Variants in NAV3 observed in about 807,000 individuals in gnomAD.
NAV3 encodes the protein neuron navigator 3, also known as pore membrane and/or filament interacting like protein 1.
NAV3 carries 87 observed loss-of-function variants against 244.7 expected under a neutral mutation model. The ratio of observed to expected loss-of-function variants is 0.36; its 90% confidence interval spans 0.30 to 0.42. The LOEUF is 0.42. NAV3 is among the 20% of genes least tolerant of loss of function. The pLI, the probability that NAV3 is intolerant of heterozygous loss-of-function variation, is 1.00. For missense variants in NAV3, 2,663 were observed against 2,893.3 expected, an observed-to-expected ratio of 0.92 and a Z score of 1.83; for synonymous variants, 1,126 against 1,042.2, an observed-to-expected ratio of 1.08 and a Z score of -1.55.
intron 12 of NAV3, among the ~76,000 whole-genome samples, chr12:78,090,698 A>G (rs1057433740): frequency 6.6e-6 from 1 of 152,180 alleles, no homozygotes; most frequent in Non-Finnish European, 1.5e-5. Context: ...TTTCAGGAAC[A>G]AAAACTGTTA....
intron 9 of NAV3, among the ~76,000 whole-genome samples, chr12:78,044,913 C>A (rs1237368209): frequency 1.3e-5 from 2 of 152,102 alleles, no homozygotes; most frequent in Non-Finnish European, 2.9e-5. Context: ...TATCTAAATG[C>A]ACTTTATTTC....
chr12:77,645,572 C>G (rs991376612), intron 2 of NAV3, among the ~76,000 whole-genome samples: 3 of 140,378 alleles, frequency 2.1e-5, no homozygotes, highest in Admixed American at 7.0e-5. Context: ...TTTCAAATCT[C>G]TAATTTTCAG....
At chr12:78,026,505 A>C (rs12312072) in intron 9 of NAV3, among the ~76,000 whole-genome samples, 9,622 of 152,126 alleles carry the variant, frequency 0.063, 974 homozygotes, top group African/African-American at 0.22. Context: ...ATTATAGTAT[A>C]TTTTTGGCTC....
chr12:77,716,322 T>A (rs1237554879), intron 2 of NAV3, among the ~76,000 whole-genome samples: 1 of 151,846 alleles, frequency 6.6e-6, no homozygotes, highest in Non-Finnish European at 1.5e-5. Flanking sequence ...TTTGTTACAC[T>A]GCACTTGTGC....
intron 1 of NAV3, among the ~76,000 whole-genome samples, chr12:77,859,758 C>CAAAACAAAAA (rs1878960239): frequency 1.5e-5 from 1 of 68,722 alleles, no homozygotes; most frequent in Non-Finnish European, 2.7e-5. Flanking sequence ...CTTTCAAATG[C>CAAAACAAAAA]AAAAAAAAAA....
rs544742456 is a variant in NAV3 at position 77,708,957 on chromosome 12, G to T, written c.72+136691G>T. Among the ~76,000 whole-genome samples the T allele has an allele frequency of 1.4e-3, 206 of 152,076 alleles. 1 individual carries two copies. In the Middle Eastern group the frequency reaches 0.014, roughly 10 times the overall value. ...GTTGCTTATCAGCTTAAGGAGATTT[G>T]GGGCTGAGACGATGGGGTTTTCTAA... On this transcript the variant is annotated intron_variant, in intron 2 of 8. Transcript: ENST00000550042.
At chr12:78,040,837 T>C (rs995374058) in intron 9 of NAV3, among the ~76,000 whole-genome samples, 3 of 152,186 alleles carry the variant, frequency 2.0e-5, no homozygotes, top group Non-Finnish European at 4.4e-5. Context: ...TTAGGTTTAG[T>C]GCTTCTCCAA....
intron 2 of NAV3, among the ~76,000 whole-genome samples, chr12:77,763,548 A>G (rs1254116245): frequency 6.6e-6 from 1 of 152,288 alleles, no homozygotes; most frequent in African/African-American, 2.4e-5. Context: ...AATACGAGTA[A>G]TGCACCATTG....
chr12:78,014,603 A>C (rs1404840992), intron 8 of NAV3, among the ~76,000 whole-genome samples: 1 of 152,120 alleles, frequency 6.6e-6, no homozygotes. Flanking sequence ...AGATTTGCCT[A>C]GGATGTGACA....
At chr12:77,612,815 C>T (rs1352810005) in intron 2 of NAV3, among the ~76,000 whole-genome samples, 2 of 151,958 alleles carry the variant, frequency 1.3e-5, no homozygotes, top group African/African-American at 4.8e-5. Flanking sequence ...TACCATAATC[C>T]CCATGTGTTG....
At chr12:77,591,209 T>C (rs1159100290) in intron 2 of NAV3, among the ~76,000 whole-genome samples, 14 of 152,230 alleles carry the variant, frequency 9.2e-5, no homozygotes, top group Admixed American at 2.6e-4. Context: ...TCATTTTCCA[T>C]TTGAAACCTT....
At chr12:77,959,575 G>A (rs1207717700) in intron 3 of NAV3, among the ~76,000 whole-genome samples, 1 of 151,822 alleles carries the variant, frequency 6.6e-6, no homozygotes, top group African/African-American at 2.4e-5. Context: ...AAATTTAACT[G>A]ACTCTTCTAA....
At chr12:78,104,684 A>G (rs1012656265) in intron 12 of NAV3, among the ~76,000 whole-genome samples, 7 of 152,326 alleles carry the variant, frequency 4.6e-5, no homozygotes, top group African/African-American at 1.7e-4. Context: ...ATTACTTAAT[A>G]TCATGTAAAA....
At position 77,831,216 on chromosome 12, in the gene NAV3, AGAAAG is replaced by A; in HGVS notation, c.-245_-241del. 1.8e-5 allele frequency: 5 copies of A among 285,120 alleles called. No homozygotes were observed. The highest frequency in any genetic ancestry group is 2.7e-5 in the Non-Finnish European group (4 of 150,376). The allele number at this position is 285,120 out of a possible 1,614,324, so 17.7% of individuals were successfully genotyped here. ...GAGACAGAGAGAGAGAGAGAGAGAG[AGAAAG>A]AGAGAGAGAGAGAGAATGAGAATGA... On this transcript the variant is annotated 5_prime_UTR_variant, in exon 1 of 40. Coordinates refer to ENST00000397909, the MANE Select transcript of NAV3 (RefSeq NM_001024383.2).
intron 2 of NAV3, among the ~76,000 whole-genome samples, chr12:77,737,763 T>A (rs1405228990): frequency 6.6e-6 from 1 of 152,226 alleles, no homozygotes; most frequent in Admixed American, 6.5e-5. Context: ...ACAGTTGGTC[T>A]ACCTTCCACC....
Position 77,580,222 on chromosome 12 carries a change from ACACACACACAC to A in NAV3, c.72+7957_72+7967del, listed in dbSNP as rs1869294026. On this transcript the variant is annotated intron_variant, in intron 2 of 8. Transcript: ENST00000550042. ...CTTTATTTGGGGGTAGGGTGGGAAC[ACACACACACAC>A]ACACACACACACACACACACACACA... Among the ~76,000 whole-genome samples, 5 of 53,724 alleles carry A rather than the reference ACACACACACAC, an allele frequency of 9.3e-5. 1 individual carries two copies. In the South Asian group the frequency reaches 2.0e-3, roughly 22 times the overall value. 35.2% of individuals were successfully genotyped at this position (53,724 alleles called of 152,430 possible).
intron 12 of NAV3, among the ~76,000 whole-genome samples, chr12:78,086,502 G>A (rs1421601731): frequency 6.6e-6 from 1 of 152,038 alleles, no homozygotes; most frequent in Non-Finnish European, 1.5e-5. Context: ...TGGCTACACA[G>A]TACACATACT....
intron 20 of NAV3, among the ~76,000 whole-genome samples, chr12:78,142,220 C>G (rs1044129041): frequency 6.6e-6 from 1 of 151,912 alleles, no homozygotes; most frequent in Non-Finnish European, 1.5e-5. Context: ...CACATGCACC[C>G]CATAAATACA....
intron 38 of NAV3, among the ~76,000 whole-genome samples, chr12:78,203,600 G>A (rs1036932386): frequency 6.6e-6 from 1 of 151,976 alleles, no homozygotes; most frequent in Non-Finnish European, 1.5e-5. Context: ...AGTTTTTATG[G>A]TGTTAATGTC....
Sources: allele counts gnomAD v4.1 joint callset (sites outside exome capture counted in the v4.1 genomes callset), GRCh38; gene constraint gnomAD v4.1.1; transcripts MANE v1.5; gene names NCBI Gene and HGNC (gene_info 2026-07-23, HGNC 2026-07-21).